ADAMTSL3: variants seen among roughly 807,000 people sequenced by gnomAD.
ADAMTSL3 encodes the protein ADAMTS like 3.
Under a neutral mutation model 201.7 loss-of-function variants are expected in ADAMTSL3, and 128 were observed. The ratio of observed to expected loss-of-function variants is 0.63; its 90% confidence interval spans 0.55 to 0.73. ADAMTSL3 has a LOEUF of 0.73. ADAMTSL3 is among the 30% of genes least tolerant of loss of function. ADAMTSL3 has a pLI of 0.00. For missense variants in ADAMTSL3, 1,990 were observed against 2,119.6 expected (o/e 0.94, Z 1.20); for synonymous variants, 738 against 748.4 (o/e 0.99, Z 0.23).
intron 12 of ADAMTSL3, 27 bp from the exon 13 acceptor site, chr15:83,892,657 A>G: frequency 6.4e-7 from 1 of 1,570,504 alleles, no homozygotes; most frequent in Non-Finnish European, 8.6e-7. Flanking sequence ...CAAATAAATA[A>G]TATAATTTTA....
At chr15:83,730,954 G>T (rs981346225) in intron 3 of ADAMTSL3, among the ~76,000 whole-genome samples, 9 of 152,004 alleles carry the variant, frequency 5.9e-5, no homozygotes, top group African/African-American at 2.2e-4. Context: ...TTTTGGGTAT[G>T]GTGTAAGATA....
At chr15:83,746,446 C>T (rs568361775) in intron 3 of ADAMTSL3, among the ~76,000 whole-genome samples, 4 of 151,984 alleles carry the variant, frequency 2.6e-5, no homozygotes, top group Non-Finnish European at 5.9e-5. Flanking sequence ...TGGGTGTTAA[C>T]TATCAGTGTC....
intron 9 of ADAMTSL3, among the ~76,000 whole-genome samples, chr15:83,876,645 G>C (rs1303218599): frequency 6.6e-6 from 1 of 151,914 alleles, no homozygotes; most frequent in Non-Finnish European, 1.5e-5. Context: ...GTTTTGTTTT[G>C]TTTTGAGATG....
At position 83,678,428 on chromosome 15, in the gene ADAMTSL3, C is replaced by T. The variant is rs896334123; in HGVS notation, c.69+22598C>T. ...AGAATTATAGGCTAAGAGTTCCCCT[C>T]TCTTTTTTAGCACTTGAAACACGTT... On this transcript the variant is annotated intron_variant, in intron 2 of 29. Coordinates refer to ENST00000286744, the MANE Select transcript of ADAMTSL3 (RefSeq NM_207517.3). Among the ~76,000 whole-genome samples, 33 of 133,688 alleles carry T rather than the reference C, an allele frequency of 2.5e-4. No homozygotes were observed. In the Middle Eastern group the frequency reaches 0.015, roughly 61 times the overall value. The allele number at this position is 133,688 out of a possible 152,430, so 87.7% of individuals were successfully genotyped here.
At chr15:83,800,353 G>A (rs1228844145) in intron 4 of ADAMTSL3, among the ~76,000 whole-genome samples, 1 of 152,050 alleles carries the variant, frequency 6.6e-6, no homozygotes. Context: ...TACTTTTTAG[G>A]TTTATATTTT....
chr15:83,924,130 C>A, intron 17 of ADAMTSL3, 97 bp downstream of exon 17: 1 of 1,468,190 alleles, frequency 6.8e-7, no homozygotes, highest in Non-Finnish European at 9.2e-7. Context: ...TGGCTTCACC[C>A]AAGGTAGATG....
chr15:83,781,465 G>A (rs2063166747), intron 4 of ADAMTSL3, among the ~76,000 whole-genome samples: 1 of 152,134 alleles, frequency 6.6e-6, no homozygotes, highest in African/African-American at 2.4e-5. Context: ...ATTAACTCAA[G>A]ATGGATTAAA....
chr15:83,721,233 AT>A (rs1400630142), intron 3 of ADAMTSL3, among the ~76,000 whole-genome samples: 1 of 152,194 alleles, frequency 6.6e-6, no homozygotes, highest in Non-Finnish European at 1.5e-5. Flanking sequence ...CTGAAGTTCC[AT>A]TTTCTCTGCC....
chr15:83,872,627 C>CACACACACACACACACAGAGAGAG (rs6145659), intron 9 of ADAMTSL3, among the ~76,000 whole-genome samples: 3 of 140,918 alleles, frequency 2.1e-5, no homozygotes, highest in Admixed American at 7.1e-5. Context: ...CACACACACA[C>CACACACACACACACACAGAGAGAG]AGAGTTTTTG....
chr15:83,867,881 GC>G (rs1283525084), intron 8 of ADAMTSL3, among the ~76,000 whole-genome samples: 1 of 152,062 alleles, frequency 6.6e-6, no homozygotes, highest in Non-Finnish European at 1.5e-5. Context: ...CATTTTCTAG[GC>G]ATAATTTCTT....
chr15:83,718,443 C>T (rs1382249958), intron 3 of ADAMTSL3, among the ~76,000 whole-genome samples: 1 of 152,092 alleles, frequency 6.6e-6, no homozygotes, highest in Non-Finnish European at 1.5e-5. Context: ...GTGGCTCACA[C>T]CTGCAATCCC....
Position 84,039,016 on chromosome 15 carries a change from T to A in ADAMTSL3, c.*1210T>A, listed in dbSNP as rs1323247015. ...GCTGGTGTTAGTGATAGTGTCAGGA[T>A]GGAGGTTAGGTTTGGAGTAAGCGTT... On this transcript the variant is annotated 3_prime_UTR_variant, in exon 30 of 30. Coordinates refer to ENST00000286744, the MANE Select transcript of ADAMTSL3 (RefSeq NM_207517.3). The A allele has an allele frequency of 6.6e-6, 1 of 152,602 alleles. No homozygotes were observed. Among genetic ancestry groups the A allele is most frequent in the Admixed American group, 6.5e-5 (1 of 15,276 alleles). 9.5% of individuals were successfully genotyped at this position (152,602 alleles called of 1,614,324 possible).
intron 14 of ADAMTSL3, among the ~76,000 whole-genome samples, chr15:83,898,362 C>A (rs181106055): frequency 6.6e-6 from 1 of 151,798 alleles, no homozygotes; most frequent in East Asian, 1.9e-4. Flanking sequence ...AGAAGGAAGA[C>A]AAGAAAGAAG....
intron 17 of ADAMTSL3, among the ~76,000 whole-genome samples, chr15:83,938,861 T>A (rs889598232): frequency 6.6e-6 from 1 of 152,230 alleles, no homozygotes; most frequent in African/African-American, 2.4e-5. Flanking sequence ...TTAACTGGTA[T>A]TGCTATTTTT....
At chr15:84,034,792 G>C (rs766278056) in intron 28 of ADAMTSL3, among the ~76,000 whole-genome samples, 2 of 152,182 alleles carry the variant, frequency 1.3e-5, no homozygotes, top group African/African-American at 2.4e-5. Flanking sequence ...GGTGAAAGGA[G>C]TTACTTGAGG....
At chr15:83,789,110 C>T (rs1464844160) in intron 4 of ADAMTSL3, among the ~76,000 whole-genome samples, 2 of 152,150 alleles carry the variant, frequency 1.3e-5, no homozygotes, top group Non-Finnish European at 2.9e-5. Context: ...CACACCCAGC[C>T]GTGTTCCTCT....
chr15:83,703,742 G>A (rs545154649), intron 2 of ADAMTSL3, among the ~76,000 whole-genome samples: 23 of 152,154 alleles, frequency 1.5e-4, no homozygotes, highest in Non-Finnish European at 2.4e-4. Flanking sequence ...GCATGAAAAC[G>A]GACTGGGGTA....
chr15:83,855,809 CTT>C (rs1470926950), intron 7 of ADAMTSL3, among the ~76,000 whole-genome samples: 1 of 152,068 alleles, frequency 6.6e-6, no homozygotes, highest in Non-Finnish European at 1.5e-5. Flanking sequence ...TTTCAGAAGT[CTT>C]TATCACTTTT....
At chr15:83,671,339 C>T (rs779306561) in intron 2 of ADAMTSL3, among the ~76,000 whole-genome samples, 1 of 152,092 alleles carries the variant, frequency 6.6e-6, no homozygotes, top group African/African-American at 2.4e-5. Flanking sequence ...ACTTTTTATA[C>T]AATTGTTGGT....
Sources: gnomAD v4.1 joint callset for allele counts (sites outside exome capture counted in the v4.1 genomes callset) on GRCh38, gnomAD v4.1.1 for gene constraint, MANE v1.5 for transcripts, NCBI Gene and HGNC (gene_info 2026-07-23, HGNC 2026-07-21) for gene names.